TRAP1: variants seen among roughly 807,000 people sequenced by gnomAD.
TRAP1 encodes the protein TNF receptor associated protein 1.
Under a neutral mutation model 89.1 loss-of-function variants are expected in TRAP1, and 102 were observed. The ratio of observed to expected loss-of-function variants is 1.15; its 90% CI spans 0.98 to 1.35. TRAP1 has a LOEUF of 1.35. TRAP1 is among the 40% of genes most tolerant of loss of function. The pLI is 0.00. For synonymous variants in TRAP1, 508 were observed against 388.0 expected, an observed-to-expected ratio of 1.31 and a Z score of -3.64; for missense variants, 1,256 against 945.3, an observed-to-expected ratio of 1.33 and a Z score of -4.31.
chr16:3,676,508 A>C, intron 6 of TRAP1: 1 of 171,380 alleles, frequency 5.8e-6, no homozygotes, highest in Non-Finnish European at 1.2e-5. Flanking sequence ...GGCAAAAACA[A>C]AGGCCAGGGG....
rs1017344600 is a variant in TRAP1, at chr16:3,677,604, G to T, written c.598C>A (p.Gln200Lys). Residue 200 changes from glutamine (Q) to lysine (K), a missense_variant, in exon 6 of 18, where the codon CAG becomes AAG. Physicochemically the swap from Gln to Lys is moderately conservative, Grantham distance 53 (BLOSUM62 1). Transcript: ENST00000246957. The part of the protein sequence containing the change: ...QAEASSKIIG[Q>K]FGVGFYSAFM... Reference sequence around the variant, plus strand: ...GCTGAGTAGAAACCCACTCCAAACTGGCCGATGATCTTGCTGCTGGCCTCA... The same window carrying T: ...GCTGAGTAGAAACCCACTCCAAACTTGCCGATGATCTTGCTGCTGGCCTCA... The T allele has an allele frequency of 3.8e-5, 62 of 1,614,048 alleles. No homozygotes were observed. The highest frequency in any genetic ancestry group is 5.1e-5 in the Non-Finnish European group (60 of 1,180,044).
chr16:3,699,223 G>GCTGCTGCAGGGCC (rs2151276202), intron 1 of TRAP1, among the ~76,000 whole-genome samples: 1 of 152,260 alleles, frequency 6.6e-6, no homozygotes, highest in East Asian at 1.9e-4. Flanking sequence ...TCCCATCCGA[G>GCTGCTGCAGGGCC]TTGCTGCAGG....
chr16:3,677,665 G>A lies in TRAP1; in HGVS notation c.544-7C>T. 1.2e-6 allele frequency: 2 copies of A among 1,612,232 alleles called. No individual in the cohort carries two copies. The highest frequency in any genetic ancestry group is 1.7e-6 in the Non-Finnish European group (2 of 1,179,416). ...GCAGAGCATCCAGGAAGGCCTGTGGGGCAGAGGCCAGTTAGTGAGGCAGCC... is the reference window on the plus strand; with the variant it reads ...GCAGAGCATCCAGGAAGGCCTGTGGAGCAGAGGCCAGTTAGTGAGGCAGCC... On this transcript the variant is annotated splice_polypyrimidine_tract_variant and splice_region_variant and intron_variant, in intron 5 of 17. Coordinates refer to ENST00000246957, the MANE Select transcript of TRAP1 (RefSeq NM_016292.3).
At chr16:3,702,034 C>A (rs2051372419) in intron 1 of TRAP1, among the ~76,000 whole-genome samples, 2 of 152,032 alleles carry the variant, frequency 1.3e-5, no homozygotes, top group Admixed American at 1.3e-4. Flanking sequence ...CATGGTGAAC[C>A]CTGTCTCTAC....
intron 1 of TRAP1, among the ~76,000 whole-genome samples, chr16:3,706,922 T>C (rs1249236424): frequency 6.6e-6 from 1 of 152,112 alleles, no homozygotes; most frequent in South Asian, 2.1e-4. Context: ...GGTAATTCGG[T>C]TTGACTGTGT....
At chr16:3,709,227 C>CAAA (rs58859365) in intron 1 of TRAP1, among the ~76,000 whole-genome samples, 7 of 82,364 alleles carry the variant, frequency 8.5e-5, no homozygotes, top group South Asian at 3.5e-4. Context: ...AACTCCATCT[C>CAAA]AAAAAAAAAA....
rs2051014414 is a variant in TRAP1, at chr16:3,677,503, T to C, written c.699A>G (p.Ser233=). Residue 233 remains serine (S), a synonymous_variant, in exon 6 of 18, where the codon TCA becomes TCG. Coordinates refer to ENST00000246957, the MANE Select transcript of TRAP1 (RefSeq NM_016292.3). ...APGSLGYQWL[S]DGSGVFEIAE... ...AGGCGACATTCGTCACTCACCCATCTGAAAGCCACTGGTAACCCAGGCTCC... is the reference window on the plus strand; with the variant it reads ...AGGCGACATTCGTCACTCACCCATCCGAAAGCCACTGGTAACCCAGGCTCC... The C allele has an allele frequency of 6.2e-7, 1 of 1,614,234 alleles. No individual in the cohort carries two copies. Among genetic ancestry groups the C allele is most frequent in the Non-Finnish European group, 8.5e-7 (1 of 1,180,044 alleles).
intron 10 of TRAP1, among the ~76,000 whole-genome samples, chr16:3,672,293 C>T (rs2050924547): frequency 6.6e-6 from 1 of 152,168 alleles, no homozygotes; most frequent in African/African-American, 2.4e-5. Context: ...CCACCGCACT[C>T]CAGCCTGGGT....
rs540680238 is a variant in TRAP1 at position 3,662,976 on chromosome 16, G to C, written c.1709-9C>G. The C allele has an allele frequency of 1.9e-6, 3 of 1,601,468 alleles. No individual in the cohort carries two copies. The highest frequency in any genetic ancestry group is 4.5e-5 in the East Asian group (2 of 44,502). On this transcript the variant is annotated splice_polypyrimidine_tract_variant and intron_variant, in intron 14 of 17. Transcript: ENST00000246957. ...TGATAGGCACTCGGCGGCTGCGGAA[G>C]AGCAGGCGACAGGGAGCTCAGGCCT... is the stretch of plus-strand genomic sequence containing the variant.
intron 3 of TRAP1, chr16:3,686,863 C>G (rs2051145098): frequency 6.6e-6 from 1 of 152,294 alleles, no homozygotes; most frequent in Admixed American, 6.5e-5. Flanking sequence ...CCCAGCTACT[C>G]AGGAGGCTGA....
In TRAP1 at chr16:3,667,515, C is replaced by A. The variant is rs565908166; in HGVS notation, c.1236-1397G>T. Among the ~76,000 whole-genome samples the A allele has an allele frequency of 3.3e-5, 5 of 151,508 alleles. No individual in the cohort carries two copies. In the South Asian group the frequency reaches 1.1e-3, roughly 32 times the overall value. The stretch of plus-strand genomic sequence containing the variant: ...TGGTGGGTGACTGTAGTCCCAGCTA[C>A]TTGAAAGGCTGAGGCAGGAGAATCG... On this transcript the variant is annotated intron_variant, in intron 11 of 17. Transcript: ENST00000246957.
At chr16:3,699,732 G>T (rs545475855) in intron 1 of TRAP1, among the ~76,000 whole-genome samples, 1 of 150,946 alleles carries the variant, frequency 6.6e-6, no homozygotes, top group Admixed American at 6.6e-5. Flanking sequence ...CAGTGGTACA[G>T]TCATGGCTCA....
At chr16:3,667,959 C>T (rs1403089479) in intron 11 of TRAP1, among the ~76,000 whole-genome samples, 3 of 128,576 alleles carry the variant, frequency 2.3e-5, no homozygotes, top group East Asian at 5.0e-4. Flanking sequence ...AGATGAGTCT[C>T]GCTCTGTCGC....
chr16:3,688,601 G>A (rs1478568184), intron 3 of TRAP1, among the ~76,000 whole-genome samples: 1 of 152,044 alleles, frequency 6.6e-6, no homozygotes, highest in African/African-American at 2.4e-5. Flanking sequence ...TCCCACCCCA[G>A]CCTCCTGAGT....
In TRAP1 at chr16:3,666,052, A is replaced by T. The variant is rs150419145; in HGVS notation, c.1302T>A (p.Ala434=). The change falls in exon 12 of 18, where the codon GCT becomes GCA. Residue 434 remains alanine, a synonymous_variant. Transcript: ENST00000246957. ...KFFIDQSKKD[A]EKYAKFFEDY... Reference sequence around the variant, plus strand: ...CTTCAAAAAACTTTGCATACTTCTCAGCATCTTTTTTACTCTGGTCAATGA... The same window carrying T: ...CTTCAAAAAACTTTGCATACTTCTCTGCATCTTTTTTACTCTGGTCAATGA... 5.6e-6 allele frequency: 9 copies of T among 1,614,058 alleles called. No individual in the cohort carries two copies. In the African/African-American group the frequency reaches 1.2e-4, roughly 22 times the overall value.
rs970144519 is a variant in TRAP1 at position 3,690,700 on chromosome 16, C to T, written c.247+127G>A. The T allele has an allele frequency of 1.8e-5, 19 of 1,058,150 alleles. No homozygotes were observed. The Admixed American group carries it at 1.8e-4, about 10-fold the overall frequency. 65.5% of individuals were successfully genotyped at this position (1,058,150 alleles called of 1,614,324 possible). A position where few individuals can be genotyped will look rare whatever the true frequency, so the allele number is the denominator to read the frequency against. ...TGGAGGGCGCAGCACTCCCTACAGC[C>T]AAGACCTTCTGATTTCACACCTAAG... is the stretch of plus-strand genomic sequence containing the variant. On this transcript the variant is annotated intron_variant, in intron 2 of 17. Coordinates refer to ENST00000246957, the MANE Select transcript of TRAP1 (RefSeq NM_016292.3).
chr16:3,658,666 C>T (rs1473830293), intron 17 of TRAP1, 127 bp downstream of exon 17: 1 of 893,798 alleles, frequency 1.1e-6, no homozygotes, highest in African/African-American at 1.8e-5. Flanking sequence ...AGCAACACTC[C>T]ATCTCAAAAA....
rs950279599 is a variant in TRAP1, at chr16:3,684,023, G to A, written c.471+1973C>T. The stretch of plus-strand genomic sequence containing the variant: ...TCTACTAAAAATACAAAAATTAGCC[G>A]GGTGTGGTGGCATGTGCCTGTAAAC... On this transcript the variant is annotated intron_variant, in intron 4 of 17. Transcript: ENST00000246957. Among the ~76,000 whole-genome samples the A allele has an allele frequency of 2.0e-5, 3 of 152,014 alleles. No homozygotes were observed. The South Asian group carries it at 6.2e-4, about 32-fold the overall frequency.
intron 5 of TRAP1, 65 bp downstream of exon 5, chr16:3,679,654 C>A (rs2051048111): frequency 1.3e-6 from 2 of 1,559,824 alleles, no homozygotes; most frequent in South Asian, 1.1e-5. Context: ...CCAGGGCCAC[C>A]CCTACTGGAG....
Sources: allele counts gnomAD v4.1 joint callset (sites outside exome capture counted in the v4.1 genomes callset), GRCh38; gene constraint gnomAD v4.1.1; transcripts MANE v1.5; gene names NCBI Gene and HGNC (gene_info 2026-07-23, HGNC 2026-07-21).